Variants in CCDC180 observed in about 807,000 individuals in gnomAD.
The protein encoded by CCDC180 is coiled-coil domain containing 180.
In CCDC180, 154 loss-of-function variants were observed where a neutral mutation model predicts 209.2. The observed-to-expected ratio is 0.74, with a 90% CI of 0.65 to 0.84. The LOEUF (loss-of-function observed/expected upper bound fraction) is 0.84, where lower values mean the gene tolerates loss of function less well. Ranked by LOEUF, CCDC180 falls within the 40% of genes least tolerant of loss-of-function variation. The pLI is 0.00. For synonymous variants in CCDC180, 778 were observed against 749.1 expected (o/e 1.04, Z -0.63); for missense variants, 1,874 against 1,997.3 (o/e 0.94, Z 1.18).
Position 97,343,658 on chromosome 9 carries a change from G to T in CCDC180, c.2498+95G>T. ...AAAAAAAAGGATTGGGCTGGTATCA[G>T]TTGGATAAAGAAAAAAATGTAGGTA... On this transcript the variant is annotated intron_variant, in intron 19 of 36. Transcript: ENST00000529487. The T allele has an allele frequency of 3.1e-6, 3 of 963,010 alleles. No individual in the cohort carries two copies. In the South Asian group the frequency reaches 5.1e-5, roughly 16 times the overall value. 59.7% of individuals were successfully genotyped at this position (963,010 alleles called of 1,614,324 possible).
At chr9:97,360,604 C>T (rs35623544) in intron 26 of CCDC180, among the ~76,000 whole-genome samples, 95 of 152,110 alleles carry the variant, frequency 6.2e-4, no homozygotes, top group African/African-American at 2.1e-3. Context: ...AAAGTCCAAA[C>T]GCTTTCACTG....
At position 97,344,911 on chromosome 9, in the gene CCDC180, A is replaced by T. The variant is rs1423451048; in HGVS notation, c.2498+1348A>T. On this transcript the variant is annotated intron_variant, in intron 19 of 36. Coordinates refer to ENST00000529487, the MANE Select transcript of CCDC180 (RefSeq NM_020893.6). ...AGTCACCACTCTCTCTTCCCCAAAG[A>T]TAACAAATATTATAACTTCTGAGTT... Among the ~76,000 whole-genome samples the T allele has an allele frequency of 2.6e-5, 4 of 152,234 alleles. No homozygotes were observed. In the East Asian group the frequency reaches 7.7e-4, roughly 29 times the overall value.
rs367724303 is a variant in CCDC180 at position 97,339,298 on chromosome 9, G to A, written c.2275-4042G>A. Among the ~76,000 whole-genome samples, 308 of 152,220 alleles carry A rather than the reference G, an allele frequency of 2.0e-3. 4 individuals carry two copies. The Middle Eastern group carries it at 0.024, about 12-fold the overall frequency. ...GCATGTTTTTGCAGTGGCTGGTACC[G>A]GTTGTTCCTTTCCATTTTAGTGCTT... On this transcript the variant is annotated intron_variant, in intron 18 of 36. Coordinates refer to ENST00000529487, the MANE Select transcript of CCDC180 (RefSeq NM_020893.6).
At chr9:97,356,131 C>G (rs1269561121) in intron 24 of CCDC180, among the ~76,000 whole-genome samples, 1 of 152,080 alleles carries the variant, frequency 6.6e-6, no homozygotes, top group East Asian at 1.9e-4. Flanking sequence ...GGGACACATT[C>G]TGATTCCAGA....
At chr9:97,309,852 A>C (rs1453650757) in intron 3 of CCDC180, among the ~76,000 whole-genome samples, 2 of 152,202 alleles carry the variant, frequency 1.3e-5, no homozygotes, top group Non-Finnish European at 2.9e-5. Flanking sequence ...CACCCTTATG[A>C]AACTTGAGAC....
At chr9:97,310,647 A>G (rs1281952815) in intron 3 of CCDC180, among the ~76,000 whole-genome samples, 1 of 152,124 alleles carries the variant, frequency 6.6e-6, no homozygotes, top group African/African-American at 2.4e-5. Context: ...GATAGAAAGC[A>G]GGCCTCCGCT....
At chr9:97,338,779 T>C (rs544917891) in intron 18 of CCDC180, among the ~76,000 whole-genome samples, 2 of 152,278 alleles carry the variant, frequency 1.3e-5, no homozygotes, top group African/African-American at 4.8e-5. Flanking sequence ...CCCATTATTA[T>C]TGTGTGGGAG....
chr9:97,363,994 G>C, intron 28 of CCDC180, 57 bp from the exon 29 acceptor site: 2 of 1,544,432 alleles, frequency 1.3e-6, no homozygotes, highest in Non-Finnish European at 1.8e-6. Context: ...TGCAGGCTCA[G>C]ACCTGCCTTG....
chr9:97,364,101 T>C lies in CCDC180; in HGVS notation c.3953T>C (p.Leu1318Pro), dbSNP rs1350265392. Residue 1318 changes from leucine (L) to proline (P), a missense_variant, in exon 29 of 37, where the codon CTT becomes CCT. Leu to Pro is a moderately conservative substitution (Grantham distance 98). Transcript: ENST00000529487. ...PNKMERKYRVLGDKPPPAAED... is the reference protein window; with the variant it reads ...PNKMERKYRVPGDKPPPAAED... ...AAAATGGAGAGAAAGTACCGGGTGC[T>C]TGGGGACAAGCCTCCCCCTGCTGCC... 1.9e-6 allele frequency: 3 copies of C among 1,613,988 alleles called. No individual in the cohort carries two copies. Among genetic ancestry groups the C allele is most frequent in the African/African-American group, 2.7e-5 (2 of 74,922 alleles).
At position 97,347,333 on chromosome 9, in the gene CCDC180, G is replaced by C. The variant is rs754575063; in HGVS notation, c.2518G>C (p.Glu840Gln). 15 of 1,535,922 alleles carry C rather than the reference G, an allele frequency of 9.8e-6. No homozygotes were observed. In the South Asian group the frequency reaches 1.8e-4, roughly 18 times the overall value. Residue 840 changes from glutamate (E) to glutamine (Q), a missense_variant, in exon 20 of 37, where the codon GAG becomes CAG. Transcript: ENST00000529487. ...IKKQLRAGFF[E>Q]HLEKWFDQCS... ...CCTCAGACTTCGAGCTGGCTTCTTC[G>C]AGCACCTTGAGAAGTGGTTTGACCA...
intron 3 of CCDC180, 151 bp downstream of exon 3, chr9:97,309,755 A>G (rs761762906): frequency 1.7e-6 from 1 of 592,432 alleles, no homozygotes; most frequent in Non-Finnish European, 2.8e-6. Flanking sequence ...ACCTTGCAGG[A>G]TGGTTTGCTT....
chr9:97,353,620 C>T (rs1052349539), intron 22 of CCDC180, among the ~76,000 whole-genome samples: 2 of 152,182 alleles, frequency 1.3e-5, no homozygotes, highest in Non-Finnish European at 2.9e-5. Context: ...TTTGTTTCTG[C>T]TGGGTAACCA....
chr9:97,364,547 G>C (rs1282088573), intron 29 of CCDC180: 1 of 195,716 alleles, frequency 5.1e-6, no homozygotes, highest in Non-Finnish European at 1.0e-5. Context: ...AAAAGCCTTC[G>C]GAGAAAGTCA....
Position 97,354,657 on chromosome 9 carries a change from GTT to G in CCDC180, c.3092_3093del (p.Val1031GlyfsTer14), listed in dbSNP as rs771121193. 42 of 1,614,244 alleles carry G rather than the reference GTT, an allele frequency of 2.6e-5. No homozygotes were observed. The Middle Eastern group carries it at 4.9e-4, about 19-fold the overall frequency. On this transcript the variant is annotated frameshift_variant, in exon 23 of 37. Coordinates refer to ENST00000529487, the MANE Select transcript of CCDC180 (RefSeq NM_020893.6). LOFTEE classifies it high-confidence loss of function. ...LEKEAARIEL[V>X]ESVIMLNMEK... ...GAAGGAAGCTGCCCGGATAGAGTTGGTTGAAAGTGTCATCATGCTCAACATGG... is the reference window on the plus strand; with the variant it reads ...GAAGGAAGCTGCCCGGATAGAGTTGGGAAAGTGTCATCATGCTCAACATGG...
chr9:97,329,700 A>T (rs140303998), intron 16 of CCDC180, among the ~76,000 whole-genome samples: 113 of 152,336 alleles, frequency 7.4e-4, no homozygotes, highest in Middle Eastern at 3.4e-3. Context: ...AGAACAACCC[A>T]ATTACCCCAG....
chr9:97,361,607 C>A, intron 26 of CCDC180, 119 bp from the exon 27 acceptor site: 1 of 923,614 alleles, frequency 1.1e-6, no homozygotes, highest in Non-Finnish European at 1.6e-6. Context: ...ATGAGGTCAG[C>A]TAGCTTGCCT....
chr9:97,312,274 C>T, intron 4 of CCDC180, 73 bp downstream of exon 4: 1 of 1,246,592 alleles, frequency 8.0e-7, no homozygotes, highest in Non-Finnish European at 1.2e-6. Flanking sequence ...GTGGGGACGT[C>T]TCCTGGCAAC....
chr9:97,325,053 G>A lies in CCDC180; in HGVS notation c.1406G>A (p.Trp469Ter). 1 of 1,614,064 alleles carries A rather than the reference G, an allele frequency of 6.2e-7. No individual in the cohort carries two copies. Among genetic ancestry groups the A allele is most frequent in the Non-Finnish European group, 8.5e-7 (1 of 1,180,004 alleles). ...SFETLADQTEWQSSHLFKYFQ... is the reference protein window; with the variant it reads ...SFETLADQTE ...GAGACTCTGGCAGATCAGACAGAGTGGCAGAGTTCACACCTCTTCAAGTAT... is the reference window on the plus strand; with the variant it reads ...GAGACTCTGGCAGATCAGACAGAGTAGCAGAGTTCACACCTCTTCAAGTAT... Residue 469 changes from tryptophan (W) to a stop codon, truncating the protein, a stop_gained, in exon 14 of 37, where the codon TGG (tryptophan) becomes TAG (stop). Transcript: ENST00000529487. LOFTEE classifies it high-confidence loss of function.
At chr9:97,320,238 T>C in intron 11 of CCDC180, 33 bp downstream of exon 11, 1 of 1,570,986 alleles carries the variant, frequency 6.4e-7, no homozygotes, top group Non-Finnish European at 8.8e-7. Flanking sequence ...CACCTGCATT[T>C]CTCCAGAACT....
Sources: gnomAD v4.1 joint callset for allele counts (sites outside exome capture counted in the v4.1 genomes callset) on GRCh38, gnomAD v4.1.1 for gene constraint, MANE v1.5 for transcripts, NCBI Gene and HGNC (gene_info 2026-07-23, HGNC 2026-07-21) for gene names.